PARVA: variants seen among roughly 807,000 people sequenced by gnomAD.
PARVA encodes the protein parvin alpha.
PARVA carries 25 observed loss-of-function variants against 52.6 expected under a neutral mutation model. The observed-to-expected ratio is 0.48, with a 90% CI of 0.35 to 0.66. PARVA has a LOEUF of 0.66. PARVA is among the 30% of genes least tolerant of loss of function. The pLI is 0.01. For synonymous variants in PARVA, 185 were observed against 179.1 expected (o/e 1.03, Z -0.26); for missense variants, 373 against 450.9 (o/e 0.83, Z 1.56).
intron 1 of PARVA, among the ~76,000 whole-genome samples, chr11:12,383,319 G>C (rs1939521271): frequency 6.6e-6 from 1 of 152,160 alleles, no homozygotes; most frequent in Non-Finnish European, 1.5e-5. Flanking sequence ...CTCAAGACGT[G>C]CTCTTTCAAG....
chr11:12,409,702 C>T (rs921294591), intron 1 of PARVA, among the ~76,000 whole-genome samples: 5 of 152,178 alleles, frequency 3.3e-5, no homozygotes, highest in South Asian at 2.1e-4. Flanking sequence ...GCCCTCAGAA[C>T]GGAATGCAGC....
intron 1 of PARVA, among the ~76,000 whole-genome samples, chr11:12,456,810 C>T (rs1179500184): frequency 6.6e-6 from 1 of 152,124 alleles, no homozygotes; most frequent in Non-Finnish European, 1.5e-5. Context: ...CCATAGAGTA[C>T]TATGCTGTAC....
chr11:12,432,953 C>T lies in PARVA; in HGVS notation c.137-40792C>T, dbSNP rs552260769. 2.0e-5 allele frequency among the ~76,000 whole-genome samples: 3 copies of T among 152,218 alleles called. No homozygotes were observed. The South Asian group carries it at 6.2e-4, about 32-fold the overall frequency. ...GTAGCCGTGGTACTGAAAGATGCTTCCTTGATGGAATGTTGCCAGACACGA... is the reference window on the plus strand; with the variant it reads ...GTAGCCGTGGTACTGAAAGATGCTTTCTTGATGGAATGTTGCCAGACACGA... On this transcript the variant is annotated intron_variant, in intron 1 of 12. Transcript: ENST00000334956.
chr11:12,435,505 T>C (rs1940375188), intron 1 of PARVA, among the ~76,000 whole-genome samples: 1 of 152,254 alleles, frequency 6.6e-6, no homozygotes, highest in African/African-American at 2.4e-5. Flanking sequence ...TTCTTGTTTT[T>C]GTCATGATAG....
intron 1 of PARVA, among the ~76,000 whole-genome samples, chr11:12,421,955 A>G (rs1940157373): frequency 6.6e-6 from 1 of 152,224 alleles, no homozygotes; most frequent in Non-Finnish European, 1.5e-5. Flanking sequence ...CAGAGCCTCC[A>G]TGGTGGCTAA....
chr11:12,454,795 T>C (rs528436008), intron 1 of PARVA, among the ~76,000 whole-genome samples: 2 of 152,166 alleles, frequency 1.3e-5, no homozygotes, highest in Non-Finnish European at 2.9e-5. Context: ...TTAGCATATA[T>C]ATTTATAGCT....
chr11:12,393,822 G>A (rs1939697816), intron 1 of PARVA, among the ~76,000 whole-genome samples: 1 of 152,190 alleles, frequency 6.6e-6, no homozygotes, highest in Non-Finnish European at 1.5e-5. Flanking sequence ...TTTGAACCCA[G>A]ACAGTCTGGC....
chr11:12,456,432 A>G (rs1035779482), intron 1 of PARVA, among the ~76,000 whole-genome samples: 4 of 152,072 alleles, frequency 2.6e-5, no homozygotes, highest in Admixed American at 2.6e-4. Flanking sequence ...GGTAGTGTAC[A>G]TCCTATGAAG....
In PARVA at chr11:12,379,706, TTGA is replaced by T. The variant is rs575469288; in HGVS notation, c.136+1927_136+1929del. Among the ~76,000 whole-genome samples the T allele has an allele frequency of 1.5e-3, 236 of 152,360 alleles. 1 individual carries two copies. Among genetic ancestry groups the T allele is most frequent in the Middle Eastern group, 0.01 (3 of 294 alleles). ...TCTTCAGCGCTGAGGATTATCAGAC[TTGA>T]TGAAGAACTAGACTTCTATTCCCTA... On this transcript the variant is annotated intron_variant, in intron 1 of 12. Coordinates refer to ENST00000334956, the MANE Select transcript of PARVA (RefSeq NM_018222.5).
intron 1 of PARVA, among the ~76,000 whole-genome samples, chr11:12,410,440 G>C (rs2134974036): frequency 6.6e-6 from 1 of 152,386 alleles, no homozygotes; most frequent in South Asian, 2.1e-4. Flanking sequence ...GTCGGCTCCT[G>C]TCTGTGGAGA....
At chr11:12,429,570 T>C (rs1940286414) in intron 1 of PARVA, among the ~76,000 whole-genome samples, 1 of 152,240 alleles carries the variant, frequency 6.6e-6, no homozygotes, top group Non-Finnish European at 1.5e-5. Flanking sequence ...TTTGATACTT[T>C]GAGCTCTTGT....
chr11:12,497,873 CTA>C (rs1222902129), intron 5 of PARVA, among the ~76,000 whole-genome samples: 9 of 152,150 alleles, frequency 5.9e-5, no homozygotes, highest in African/African-American at 1.7e-4. Flanking sequence ...GAGAAGTCCT[CTA>C]ATGAAGACTG....
chr11:12,395,326 G>A (rs1340994116), intron 1 of PARVA, among the ~76,000 whole-genome samples: 2 of 152,156 alleles, frequency 1.3e-5, no homozygotes, highest in Non-Finnish European at 2.9e-5. Context: ...TAAGAGCACC[G>A]AATGTGTTTA....
In PARVA at chr11:12,532,472, T is replaced by C. The variant is rs118165216; in HGVS notation, c.*4547T>C. 2.5e-3 allele frequency among the ~76,000 whole-genome samples: 380 copies of C among 152,278 alleles called. 2 individuals are homozygous for C. The highest frequency in any genetic ancestry group is 8.4e-3 in the African/African-American group (349 of 41,572). On this transcript the variant is annotated 3_prime_UTR_variant, in exon 13 of 13. Coordinates refer to ENST00000334956, the MANE Select transcript of PARVA (RefSeq NM_018222.5). ...TGAGAAATTTCTAGGATGAGTACTC[T>C]GAACTCAGGACTTCATTTAGTCATA...
chr11:12,453,316 A>C (rs2135016405), intron 1 of PARVA, among the ~76,000 whole-genome samples: 1 of 152,208 alleles, frequency 6.6e-6, no homozygotes, highest in South Asian at 2.1e-4. Flanking sequence ...TGCGGAAGAA[A>C]AGCTCTACCT....
intron 1 of PARVA, among the ~76,000 whole-genome samples, chr11:12,457,191 G>A (rs1220533905): frequency 6.6e-6 from 1 of 152,164 alleles, no homozygotes; most frequent in East Asian, 1.9e-4. Context: ...GAAGTGTCAG[G>A]CATGCAATCA....
chr11:12,503,499 C>G (rs1203319123), intron 5 of PARVA, among the ~76,000 whole-genome samples: 2 of 151,922 alleles, frequency 1.3e-5, no homozygotes, highest in African/African-American at 4.8e-5. Flanking sequence ...TCATGGGAAC[C>G]TGGGATTAGA....
At chr11:12,449,228 A>G (rs910700480) in intron 1 of PARVA, among the ~76,000 whole-genome samples, 1 of 151,986 alleles carries the variant, frequency 6.6e-6, no homozygotes, top group African/African-American at 2.4e-5. Flanking sequence ...ATCTCGGCTC[A>G]CTGCAACCTC....
rs1015062222 is a variant in PARVA, at chr11:12,529,010, A to G, written c.*1085A>G. 2.0e-5 allele frequency: 3 copies of G among 152,636 alleles called. No individual in the cohort carries two copies. Among genetic ancestry groups the G allele is most frequent in the Non-Finnish European group, 4.4e-5 (3 of 68,042 alleles). The allele number at this position is 152,636 out of a possible 1,614,324, so 9.5% of individuals were successfully genotyped here. Reference sequence around the variant, plus strand: ...TACAATATGCTCAGGCACCGCAGAGAGCTGGGCACGGGCCCATGTGAGCAT... The same window carrying G: ...TACAATATGCTCAGGCACCGCAGAGGGCTGGGCACGGGCCCATGTGAGCAT... On this transcript the variant is annotated 3_prime_UTR_variant, in exon 13 of 13. Transcript: ENST00000334956.
Sources: allele counts gnomAD v4.1 joint callset (sites outside exome capture counted in the v4.1 genomes callset), GRCh38; gene constraint gnomAD v4.1.1; transcripts MANE v1.5; gene names NCBI Gene and HGNC (gene_info 2026-07-23, HGNC 2026-07-21).